Variants in ANO2 observed in about 807,000 individuals in gnomAD.
ANO2 encodes the protein anoctamin 2.
A neutral mutation model predicts 124.2 loss-of-function variants in ANO2; 101 were observed. The observed-to-expected ratio is 0.81, with a 90% CI of 0.69 to 0.96. The LOEUF (loss-of-function observed/expected upper bound fraction) is 0.96, where lower values mean the gene tolerates loss of function less well. ANO2 is among the 40% of genes least tolerant of loss of function. The probability of loss-of-function intolerance (pLI) is 0.00; values close to 1 mark genes in which losing one functional copy is unlikely to be tolerated. For synonymous variants in ANO2, 486 were observed against 482.5 expected (o/e 1.01, Z -0.09); for missense variants, 1,293 against 1,274.5 (o/e 1.01, Z -0.22).
At chr12:5,920,224 G>A (rs552667407) in intron 3 of ANO2, among the ~76,000 whole-genome samples, 1 of 152,204 alleles carries the variant, frequency 6.6e-6, no homozygotes, top group East Asian at 1.9e-4. Context: ...GATAAAATAT[G>A]TCCTATGTAT....
chr12:5,839,024 CA>C (rs749085635), intron 4 of ANO2, among the ~76,000 whole-genome samples: 1 of 152,160 alleles, frequency 6.6e-6, no homozygotes. Context: ...CTAAAACAAC[CA>C]AAACACCCAA....
chr12:5,603,513 A>G (rs1944041931), intron 19 of ANO2, among the ~76,000 whole-genome samples: 1 of 152,218 alleles, frequency 6.6e-6, no homozygotes, highest in South Asian at 2.1e-4. Flanking sequence ...AGAAAGAGAA[A>G]GGTGGAGAGA....
At chr12:5,895,132 G>A (rs1378707872) in intron 3 of ANO2, among the ~76,000 whole-genome samples, 3 of 152,276 alleles carry the variant, frequency 2.0e-5, no homozygotes, top group Admixed American at 6.5e-5. Context: ...AGCATGGAAT[G>A]TTTTTCCATT....
chr12:5,748,892 AAC>A (rs1386164556), intron 11 of ANO2, among the ~76,000 whole-genome samples: 23 of 149,956 alleles, frequency 1.5e-4, no homozygotes, highest in African/African-American at 4.2e-4. Flanking sequence ...AAAAAAACAA[AAC>A]AAAACACTTG....
chr12:5,563,007 T>C lies in ANO2; in HGVS notation c.*292A>G. The C allele has an allele frequency of 2.4e-6, 1 of 421,814 alleles. No homozygotes were observed. Among genetic ancestry groups the C allele is most frequent in the Non-Finnish European group, 4.3e-6 (1 of 232,358 alleles). 26.1% of individuals were successfully genotyped at this position (421,814 alleles called of 1,614,324 possible). On this transcript the variant is annotated 3_prime_UTR_variant, in exon 25 of 25. Coordinates refer to ENST00000682330, the MANE Select transcript of ANO2 (RefSeq NM_001364791.2). ...GGTACATGGGAATGCTCGCGGTGCC[T>C]GAGACTCTGGGGTGGAGAGACCCCA...
intron 16 of ANO2, among the ~76,000 whole-genome samples, chr12:5,631,940 G>A (rs886066739): frequency 6.6e-6 from 1 of 152,184 alleles, no homozygotes; most frequent in African/African-American, 2.4e-5. Flanking sequence ...GGCTGGATGG[G>A]GATTTCCAAG....
At chr12:5,842,737 G>A (rs890704925) in intron 4 of ANO2, among the ~76,000 whole-genome samples, 1 of 152,190 alleles carries the variant, frequency 6.6e-6, no homozygotes, top group African/African-American at 2.4e-5. Context: ...TCTGGGCCCT[G>A]AGTCACACTT....
chr12:5,790,057 T>C (rs1952652433), intron 10 of ANO2, among the ~76,000 whole-genome samples: 3 of 152,194 alleles, frequency 2.0e-5, no homozygotes, highest in Non-Finnish European at 4.4e-5. Flanking sequence ...CCCTTGCTCC[T>C]TCTAAGGCAA....
intron 7 of ANO2, among the ~76,000 whole-genome samples, chr12:5,826,344 T>G (rs931912356): frequency 6.6e-6 from 1 of 151,812 alleles, no homozygotes; most frequent in African/African-American, 2.4e-5. Flanking sequence ...TTGATTGGAC[T>G]GAAAGATGCA....
intron 14 of ANO2, among the ~76,000 whole-genome samples, chr12:5,722,803 T>C (rs564781963): frequency 2.0e-5 from 3 of 152,104 alleles, no homozygotes; most frequent in Non-Finnish European, 1.5e-5. Context: ...TAAAAATGCA[T>C]GAGAAAAGAC....
At chr12:5,723,294 G>A (rs1049736003) in intron 14 of ANO2, among the ~76,000 whole-genome samples, 1 of 152,216 alleles carries the variant, frequency 6.6e-6, no homozygotes. Context: ...GTGGTTTGGA[G>A]CTGCTGCTTG....
intron 3 of ANO2, among the ~76,000 whole-genome samples, chr12:5,915,862 C>T (rs1941347632): frequency 1.3e-5 from 2 of 152,172 alleles, no homozygotes; most frequent in Admixed American, 1.3e-4. Context: ...CCAAAGGAGG[C>T]GACGATTCAT....
intron 3 of ANO2, among the ~76,000 whole-genome samples, chr12:5,895,285 T>C (rs1939700152): frequency 6.6e-6 from 1 of 152,222 alleles, no homozygotes; most frequent in South Asian, 2.1e-4. Flanking sequence ...GATTTGGCTC[T>C]CTGTTTGTCT....
intron 15 of ANO2, among the ~76,000 whole-genome samples, chr12:5,638,911 G>T (rs1379118011): frequency 6.6e-6 from 1 of 152,160 alleles, no homozygotes; most frequent in African/African-American, 2.4e-5. Context: ...AGGTAAGAGA[G>T]AAGACCTCTT....
intron 1 of ANO2, among the ~76,000 whole-genome samples, chr12:5,943,273 GTGTT>G (rs1352517745): frequency 0.01 from 911 of 90,954 alleles, 7 homozygotes; most frequent in Non-Finnish European, 0.017. Context: ...GTTTGAGTGT[GTGTT>G]TGTGTGTGTG....
rs1477578391 is a variant in ANO2, at chr12:5,904,928, A to G, written c.534+16112T>C. Among the ~76,000 whole-genome samples the G allele has an allele frequency of 1.3e-5, 2 of 152,338 alleles. No individual in the cohort carries two copies. The highest frequency in any genetic ancestry group is 1.9e-4 in the East Asian group (1 of 5,182). On this transcript the variant is annotated intron_variant, in intron 3 of 24. Coordinates refer to ENST00000682330, the MANE Select transcript of ANO2 (RefSeq NM_001364791.2). The surrounding 1 kb of genome is among the most constrained non-coding windows in gnomAD (Gnocchi z 4.1). ...AACAAAGGGAACAGGGAACAAAATGATAAGAAGAGGATACTCTCAAGTTCA... is the reference window on the plus strand; with the variant it reads ...AACAAAGGGAACAGGGAACAAAATGGTAAGAAGAGGATACTCTCAAGTTCA...
At chr12:5,905,767 A>T (rs1200541037) in intron 3 of ANO2, among the ~76,000 whole-genome samples, 2 of 152,190 alleles carry the variant, frequency 1.3e-5, no homozygotes, top group African/African-American at 4.8e-5. Context: ...AGAACTAGAA[A>T]AGAAGGAAGG....
chr12:5,599,449 T>C, intron 20 of ANO2, 35 bp downstream of exon 20: 1 of 1,555,182 alleles, frequency 6.4e-7, no homozygotes. Flanking sequence ...TGTCTGAACC[T>C]GCCCCCAGTG....
intron 16 of ANO2, among the ~76,000 whole-genome samples, chr12:5,620,849 G>A (rs948792688): frequency 4.6e-5 from 7 of 151,886 alleles, no homozygotes; most frequent in African/African-American, 1.5e-4. Flanking sequence ...TAGCGCTGCC[G>A]CTTCTGTCAT....
Sources: gnomAD v4.1 joint callset for allele counts (sites outside exome capture counted in the v4.1 genomes callset) on GRCh38, gnomAD v4.1.1 for gene constraint, Gnocchi (gnomAD v3.1) non-coding constraint, MANE v1.5 for transcripts, NCBI Gene and HGNC (gene_info 2026-07-23, HGNC 2026-07-21) for gene names.